The following PRKCZ variants were observed in gnomAD, a reference collection of about 807,000 sequenced individuals.
The protein encoded by PRKCZ is protein kinase C zeta.
A neutral mutation model predicts 79.5 loss-of-function variants in PRKCZ; 33 were observed. The ratio of observed to expected loss-of-function variants is 0.41; its 90% confidence interval spans 0.31 to 0.55. The LOEUF is 0.55. PRKCZ is among the 20% of genes least tolerant of loss of function. The pLI, the probability that PRKCZ is intolerant of heterozygous loss-of-function variation, is 0.19. For synonymous variants in PRKCZ, 342 were observed against 320.9 expected, an observed-to-expected ratio of 1.07 and a Z score of -0.70; for missense variants, 578 against 813.5, an observed-to-expected ratio of 0.71 and a Z score of 3.52.
chr1:2,179,350 C>T (rs967617117), intron 16 of PRKCZ, among the ~76,000 whole-genome samples: 1 of 152,234 alleles, frequency 6.6e-6, no homozygotes, highest in Non-Finnish European at 1.5e-5. Flanking sequence ...ACAGCACGTC[C>T]TGGCCTGGTG....
intron 11 of PRKCZ, among the ~76,000 whole-genome samples, chr1:2,170,634 A>C (rs1461279869): frequency 1.3e-5 from 2 of 151,204 alleles, no homozygotes; most frequent in Non-Finnish European, 1.5e-5. Flanking sequence ...CCCATCAGAC[A>C]CTCCCTCCCT....
At position 2,094,868 on chromosome 1, in the gene PRKCZ, C is replaced by A. The variant is rs1166429725; in HGVS notation, c.334+35277C>A. Among the ~76,000 whole-genome samples, 1 of 152,202 alleles carries A rather than the reference C, an allele frequency of 6.6e-6. No individual in the cohort carries two copies. The highest frequency in any genetic ancestry group is 1.5e-5 in the Non-Finnish European group (1 of 68,040). On this transcript the variant is annotated intron_variant, in intron 4 of 17. Transcript: ENST00000378567. This position sits in a 1 kb window ranked among gnomAD's most constrained non-coding sequence, Gnocchi z 7.3. ...TTTCTGGAGCTGCAGAGTCACTTCT[C>A]TTAGAGCCTGGTTTTGGCCCTCTCT...
chr1:2,070,852 G>A (rs1191919298), intron 4 of PRKCZ, among the ~76,000 whole-genome samples: 4 of 152,124 alleles, frequency 2.6e-5, no homozygotes, highest in South Asian at 2.1e-4. Context: ...TTGAGGCTCC[G>A]GGGCCTTCTG....
At chr1:2,143,274 CCG>C (rs1199568637) in intron 5 of PRKCZ, 1 of 152,304 alleles carries the variant, frequency 6.6e-6, no homozygotes, top group Non-Finnish European at 1.5e-5. Context: ...CCTGATCCAC[CCG>C]CCTCGGCCTC....
intron 4 of PRKCZ, among the ~76,000 whole-genome samples, chr1:2,124,440 G>T (rs1294248522): frequency 6.6e-6 from 1 of 151,066 alleles, no homozygotes; most frequent in Non-Finnish European, 1.5e-5. Flanking sequence ...AACCCTTGTG[G>T]TGGGATTTGT....
chr1:2,170,486 A>G (rs1684217620), intron 11 of PRKCZ, among the ~76,000 whole-genome samples: 1 of 15,406 alleles, frequency 6.5e-5, no homozygotes, highest in Non-Finnish European at 1.1e-4. Flanking sequence ...GTTTTTAAAA[A>G]CTGTGGCAAC....
rs991730746 is a variant in PRKCZ at position 2,174,700 on chromosome 1, C to T, written c.1406-54C>T. On this transcript the variant is annotated intron_variant, in intron 14 of 17. Transcript: ENST00000378567. The surrounding 1 kb of genome is among the most constrained non-coding windows in gnomAD (Gnocchi z 6.2). ...GCTCAGAGTCAGAGTCTGGGCGGCA[C>T]TGGGCAAATGGCACACAACACAGGC... The T allele has an allele frequency of 1.3e-6, 2 of 1,575,096 alleles. No homozygotes were observed. The highest frequency in any genetic ancestry group is 1.7e-6 in the Non-Finnish European group (2 of 1,146,992).
chr1:2,133,338 C>T (rs1172393805), intron 4 of PRKCZ, among the ~76,000 whole-genome samples: 1 of 151,624 alleles, frequency 6.6e-6, no homozygotes, highest in Non-Finnish European at 1.5e-5. Flanking sequence ...GCTCCGCCCC[C>T]AGTTGCTCGT....
chr1:2,073,822 G>C (rs938376206), intron 4 of PRKCZ: 2 of 1,032,826 alleles, frequency 1.9e-6, no homozygotes, highest in African/African-American at 3.4e-5. Context: ...GGCCGGAGGC[G>C]AGCCGACGCA....
rs139487515 is a variant in PRKCZ at position 2,138,659 on chromosome 1, G to A, written c.420+3312G>A. 2.2e-3 allele frequency among the ~76,000 whole-genome samples: 331 copies of A among 152,248 alleles called. 1 individual carries two copies. The highest frequency in any genetic ancestry group is 6.8e-3 in the South Asian group (33 of 4,826). ...AGGTTAAAAAAAAATCACAGGGCCC[G>A]GCGCAGTGGCTCACGCCTGTAATCC... On this transcript the variant is annotated intron_variant, in intron 5 of 17. Coordinates refer to ENST00000378567, the MANE Select transcript of PRKCZ (RefSeq NM_002744.6).
chr1:2,184,857 C>T, intron 17 of PRKCZ, 65 bp from the exon 18 acceptor site: 1 of 1,472,224 alleles, frequency 6.8e-7, no homozygotes. Flanking sequence ...GCGAACGTGA[C>T]TCCGCTTCCC....
intron 4 of PRKCZ, chr1:2,071,318 G>C (rs1460889576): frequency 2.1e-6 from 1 of 468,078 alleles, no homozygotes; most frequent in Admixed American, 2.3e-5. Flanking sequence ...AGTGGGAAGA[G>C]AGCGGCCCCA....
intron 4 of PRKCZ, among the ~76,000 whole-genome samples, chr1:2,062,482 CTTT>C (rs61178553): frequency 3.7e-5 from 5 of 133,962 alleles, no homozygotes; most frequent in Non-Finnish European, 6.5e-5. Flanking sequence ...GCCATCTTAA[CTTT>C]TTTTTTTTTT....
In PRKCZ at chr1:2,184,687, C is replaced by T; in HGVS notation, c.1680C>T (p.Thr560=). The T allele has an allele frequency of 6.2e-7, 1 of 1,613,286 alleles. No individual in the cohort carries two copies. The highest frequency in any genetic ancestry group is 1.1e-5 in the South Asian group (1 of 90,940). ...TQFTSEPVQL[T]PDDEDAIKRI... Reference sequence around the variant, plus strand: ...TCACCAGCGAGCCCGTGCAGCTGACCCCAGACGATGAGTGAGTCCCACTGG... The same window carrying T: ...TCACCAGCGAGCCCGTGCAGCTGACTCCAGACGATGAGTGAGTCCCACTGG... Residue 560 remains threonine (T), a synonymous_variant, in exon 17 of 18, where the codon ACC becomes ACT. Coordinates refer to ENST00000378567, the MANE Select transcript of PRKCZ (RefSeq NM_002744.6).
chr1:2,090,130 T>A (rs1665238624), intron 4 of PRKCZ, among the ~76,000 whole-genome samples: 1 of 152,178 alleles, frequency 6.6e-6, no homozygotes, highest in African/African-American at 2.4e-5. Context: ...TGTAATGACC[T>A]CACTCACTTA....
intron 4 of PRKCZ, among the ~76,000 whole-genome samples, chr1:2,103,321 C>T (rs975973604): frequency 5.9e-5 from 9 of 152,200 alleles, no homozygotes; most frequent in Non-Finnish European, 1.2e-4. Context: ...CCCGGGAGAG[C>T]GGCCGACACA....
rs1683184041 is a variant in PRKCZ at position 2,165,721 on chromosome 1, G to A, written c.975-3797G>A. Among the ~76,000 whole-genome samples, 1 of 152,184 alleles carries A rather than the reference G, an allele frequency of 6.6e-6. No individual in the cohort carries two copies. The highest frequency in any genetic ancestry group is 6.5e-5 in the Admixed American group (1 of 15,272). Reference sequence around the variant, plus strand: ...TACACACATGGTGGTGGCCCGCCCGGACCCATCTGGTTAATTCTTGACTCT... The same window carrying A: ...TACACACATGGTGGTGGCCCGCCCGAACCCATCTGGTTAATTCTTGACTCT... On this transcript the variant is annotated intron_variant, in intron 10 of 17. Coordinates refer to ENST00000378567, the MANE Select transcript of PRKCZ (RefSeq NM_002744.6). This position sits in a 1 kb window ranked among gnomAD's most constrained non-coding sequence, Gnocchi z 4.1.
At chr1:2,081,918 A>C (rs955487670) in intron 4 of PRKCZ, among the ~76,000 whole-genome samples, 2 of 152,106 alleles carry the variant, frequency 1.3e-5, no homozygotes, top group Non-Finnish European at 2.9e-5. Context: ...ATGGGCAGAG[A>C]GCGGCACCAT....
In PRKCZ at chr1:2,059,600, T is replaced by C. The variant is rs553250040; in HGVS notation, c.334+9T>C. On this transcript the variant is annotated intron_variant, in intron 4 of 17. Transcript: ENST00000378567. ...ATGTCCGGGAGAAGACAGTGAGTAC[T>C]GGGGTTTCCTACGCCGGTCTCGCAT... 5 of 1,614,046 alleles carry C rather than the reference T, an allele frequency of 3.1e-6. No homozygotes were observed. In the East Asian group the frequency reaches 8.9e-5, roughly 29 times the overall value.
Sources: allele counts gnomAD v4.1 joint callset (sites outside exome capture counted in the v4.1 genomes callset), GRCh38; gene constraint gnomAD v4.1.1; non-coding constraint Gnocchi (gnomAD v3.1); transcripts MANE v1.5; gene names NCBI Gene and HGNC (gene_info 2026-07-23, HGNC 2026-07-21).